Variants in GNAO1 observed in about 807,000 individuals in gnomAD.
The protein encoded by GNAO1 is guanine nucleotide-binding protein G(o) subunit alpha.
For synonymous variants in GNAO1, 164 were observed against 180.7 expected (o/e 0.91, Z 0.74); for missense variants, 166 against 478.7 (o/e 0.35, Z 6.10).
intron 3 of GNAO1, among the ~76,000 whole-genome samples, chr16:56,292,319 A>G (rs2037240613): frequency 6.6e-6 from 1 of 152,206 alleles, no homozygotes; most frequent in South Asian, 2.1e-4. Flanking sequence ...CTCAAAAGAT[A>G]CTGGTATTTT....
chr16:56,266,234 T>C (rs2036952180), intron 2 of GNAO1, among the ~76,000 whole-genome samples: 1 of 152,214 alleles, frequency 6.6e-6, no homozygotes, highest in Non-Finnish European at 1.5e-5. Flanking sequence ...ACCTGGTACA[T>C]AGCAGTCAGT....
chr16:56,312,472 A>T (rs576762321), intron 3 of GNAO1, among the ~76,000 whole-genome samples: 76 of 152,254 alleles, frequency 5.0e-4, no homozygotes, highest in African/African-American at 1.6e-3. Flanking sequence ...GGCTCACAGC[A>T]AACACTGAGG....
intron 3 of GNAO1, among the ~76,000 whole-genome samples, chr16:56,321,197 TG>T (rs1177246044): frequency 6.6e-6 from 1 of 152,150 alleles, no homozygotes; most frequent in East Asian, 1.9e-4. Flanking sequence ...TAGGACTATT[TG>T]GGGTACAAGT....
chr16:56,337,973 A>C (rs765784111), intron 6 of GNAO1, among the ~76,000 whole-genome samples: 1 of 152,004 alleles, frequency 6.6e-6, no homozygotes, highest in Non-Finnish European at 1.5e-5. Flanking sequence ...GCTGGCACCG[A>C]GGGTTTGAGG....
At chr16:56,234,560 G>A (rs1431098029) in intron 2 of GNAO1, among the ~76,000 whole-genome samples, 1 of 152,236 alleles carries the variant, frequency 6.6e-6, no homozygotes, top group Non-Finnish European at 1.5e-5. Context: ...CTGAAAGTCT[G>A]CATGAACCCA....
intron 2 of GNAO1, among the ~76,000 whole-genome samples, chr16:56,261,723 G>A (rs1441808256): frequency 1.3e-5 from 2 of 152,120 alleles, no homozygotes; most frequent in African/African-American, 2.4e-5. Context: ...CTCAGCCGCT[G>A]CAAAATGGGA....
chr16:56,220,003 G>A (rs563392911), intron 2 of GNAO1, among the ~76,000 whole-genome samples: 44 of 152,298 alleles, frequency 2.9e-4, no homozygotes, highest in Middle Eastern at 3.4e-3. Context: ...AGGAACAAAA[G>A]GAGTGGAACC....
chr16:56,339,500 G>A (rs1382611455), intron 6 of GNAO1, among the ~76,000 whole-genome samples: 2 of 152,244 alleles, frequency 1.3e-5, no homozygotes, highest in South Asian at 4.1e-4. Context: ...CTCAGGCCTT[G>A]GTCCTCAGCC....
At chr16:56,343,630 A>G (rs2037828514) in intron 6 of GNAO1, 2 of 641,772 alleles carry the variant, frequency 3.1e-6, no homozygotes, top group Non-Finnish European at 2.7e-6. Context: ...GGTCCCCTCC[A>G]TCAGGTTTTC....
chr16:56,315,766 A>G (rs1364200036), intron 3 of GNAO1, among the ~76,000 whole-genome samples: 1 of 151,996 alleles, frequency 6.6e-6, no homozygotes. Context: ...AGCAGGGGCC[A>G]GGCACAGTGG....
At chr16:56,313,921 G>C (rs1024998476) in intron 3 of GNAO1, among the ~76,000 whole-genome samples, 10 of 152,044 alleles carry the variant, frequency 6.6e-5, no homozygotes, top group African/African-American at 2.4e-4. Context: ...AATTTTTATA[G>C]AGACGGGGTC....
At position 56,274,717 on chromosome 16, in the gene GNAO1, A is replaced by G. The variant is rs79059570; in HGVS notation, c.162-1214A>G. ...TATATGAACTGTCCAGAATAGCCGAATTTATAGAAACAAAATGTAGATCAG... is the reference window on the plus strand; with the variant it reads ...TATATGAACTGTCCAGAATAGCCGAGTTTATAGAAACAAAATGTAGATCAG... On this transcript the variant is annotated intron_variant, in intron 2 of 8. Coordinates refer to ENST00000262493, the MANE Select transcript of GNAO1 (RefSeq NM_020988.3). Among the ~76,000 whole-genome samples the G allele has an allele frequency of 1.4e-3, 219 of 152,376 alleles. 8 individuals carry two copies. The East Asian group carries it at 0.037, about 26-fold the overall frequency.
intron 2 of GNAO1, among the ~76,000 whole-genome samples, chr16:56,229,545 G>A (rs1487996180): frequency 6.6e-6 from 1 of 152,030 alleles, no homozygotes; most frequent in East Asian, 1.9e-4. Flanking sequence ...ACAAGTACTG[G>A]GGACCAGGAG....
intron 2 of GNAO1, among the ~76,000 whole-genome samples, chr16:56,211,166 T>A (rs1265022279): frequency 2.0e-5 from 3 of 152,126 alleles, no homozygotes; most frequent in African/African-American, 7.2e-5. Flanking sequence ...GAAATAACAT[T>A]TATTGAACAC....
chr16:56,209,457 G>A (rs1387427881), intron 2 of GNAO1, among the ~76,000 whole-genome samples: 1 of 152,146 alleles, frequency 6.6e-6, no homozygotes, highest in African/African-American at 2.4e-5. Context: ...GTGCTTGCAT[G>A]TAAATGTTAG....
chr16:56,319,843 G>A (rs577300490), intron 3 of GNAO1, among the ~76,000 whole-genome samples: 1 of 152,034 alleles, frequency 6.6e-6, no homozygotes, highest in African/African-American at 2.4e-5. Flanking sequence ...GTCTCCACAG[G>A]CCTCTTCCTC....
chr16:56,331,027 A>G (rs1338200859), intron 4 of GNAO1, among the ~76,000 whole-genome samples: 2 of 152,238 alleles, frequency 1.3e-5, no homozygotes, highest in Admixed American at 6.5e-5. Context: ...AGCTTCTGAC[A>G]AAGTCTTGGG....
chr16:56,327,645 T>C (rs16956343), intron 3 of GNAO1, among the ~76,000 whole-genome samples: 44,416 of 152,046 alleles, frequency 0.29, 6,939 homozygotes, highest in Non-Finnish European at 0.35. Context: ...ATGCATGTGA[T>C]TGTAGTCTTT....
Position 56,345,368 on chromosome 16 carries a change from C to G in GNAO1, c.724-6016C>G, listed in dbSNP as rs2037856008. The G allele has an allele frequency of 6.1e-6, 6 of 985,442 alleles. No homozygotes were observed. In the South Asian group the frequency reaches 2.8e-4, roughly 46 times the overall value. The allele number at this position is 985,442 out of a possible 1,614,324, so 61.0% of individuals were successfully genotyped here. ...CTCAAGCCCTCTGTTCTCCCTGCCC[C>G]CACTCTGGACACTGCTTAGTCCCCA... On this transcript the variant is annotated intron_variant, in intron 6 of 8. Coordinates refer to ENST00000262493, the MANE Select transcript of GNAO1 (RefSeq NM_020988.3).
Sources: gnomAD v4.1 joint callset for allele counts (sites outside exome capture counted in the v4.1 genomes callset) on GRCh38, gnomAD v4.1.1 for gene constraint, MANE v1.5 for transcripts, NCBI Gene and HGNC (gene_info 2026-07-23, HGNC 2026-07-21) for gene names.